The following SPRED1 variants were observed in gnomAD, a reference collection of about 807,000 sequenced individuals.
The protein encoded by SPRED1 is sprouty-related, EVH1 domain-containing protein 1.
SPRED1 carries 18 observed loss-of-function variants against 52.3 expected under a neutral mutation model. The ratio of observed to expected loss-of-function variants is 0.34; its 90% CI spans 0.24 to 0.51. SPRED1 has a LOEUF of 0.51. Among genes scored for constraint, SPRED1 ranks in the 20% least tolerant of loss-of-function variants. The probability of loss-of-function intolerance (pLI) is 0.97; values close to 1 mark genes in which losing one functional copy is unlikely to be tolerated. For synonymous variants in SPRED1, 155 were observed against 179.7 expected (o/e 0.86, Z 1.10); for missense variants, 485 against 551.0 (o/e 0.88, Z 1.20).
intron 1 of SPRED1, among the ~76,000 whole-genome samples, chr15:38,293,320 G>C (rs750537922): frequency 6.6e-6 from 1 of 151,920 alleles, no homozygotes; most frequent in South Asian, 2.1e-4. Context: ...GGATGGTTTC[G>C]ATCTCTTGAC....
In SPRED1 at chr15:38,350,452, G is replaced by T. The variant is rs1034059078; in HGVS notation, c.685-562G>T. 2.6e-5 allele frequency among the ~76,000 whole-genome samples: 4 copies of T among 152,172 alleles called. No individual in the cohort carries two copies. In the East Asian group the frequency reaches 7.7e-4, roughly 29 times the overall value. On this transcript the variant is annotated intron_variant, in intron 6 of 6. Transcript: ENST00000299084. ...TCCAAATACAGTCGCATTACTGGAG[G>T]TTAGGGCTTCAGCATATGAATTTGA...
intron 2 of SPRED1, among the ~76,000 whole-genome samples, chr15:38,316,151 G>A (rs1895475322): frequency 6.6e-6 from 1 of 151,748 alleles, no homozygotes; most frequent in South Asian, 2.1e-4. Flanking sequence ...ATCAATTTTT[G>A]TTAAACACCT....
At chr15:38,257,748 C>T (rs7173385) in intron 1 of SPRED1, among the ~76,000 whole-genome samples, 6,319 of 152,186 alleles carry the variant, frequency 0.042, 446 homozygotes, top group African/African-American at 0.14. Flanking sequence ...CTCTCCCTTT[C>T]CCCCATGGTT....
rs1337981558 is a variant in SPRED1 at position 38,354,079 on chromosome 15, A to G, written c.*2415A>G. 2 of 152,604 alleles carry G rather than the reference A, an allele frequency of 1.3e-5. No individual in the cohort carries two copies. Among genetic ancestry groups the G allele is most frequent in the Admixed American group, 6.5e-5 (1 of 15,284 alleles). The allele number at this position is 152,604 out of a possible 1,614,324, so 9.5% of individuals were successfully genotyped here. A position where few individuals can be genotyped will look rare whatever the true frequency, so the allele number is the denominator to read the frequency against. On this transcript the variant is annotated 3_prime_UTR_variant, in exon 7 of 7. Coordinates refer to ENST00000299084, the MANE Select transcript of SPRED1 (RefSeq NM_152594.3). Reference sequence around the variant, plus strand: ...GGTTTTTATTTTACCTTGGATCTTTATAGTTAACATACCCAGTTTCTTAAT... The same window carrying G: ...GGTTTTTATTTTACCTTGGATCTTTGTAGTTAACATACCCAGTTTCTTAAT...
intron 5 of SPRED1, among the ~76,000 whole-genome samples, chr15:38,340,784 C>G (rs1037490422): frequency 1.3e-5 from 2 of 152,106 alleles, no homozygotes; most frequent in African/African-American, 4.8e-5. Context: ...CCCGCCTCAG[C>G]TTCCCAAAGT....
intron 1 of SPRED1, among the ~76,000 whole-genome samples, chr15:38,285,009 G>C (rs542055427): frequency 6.6e-6 from 1 of 151,880 alleles, no homozygotes; most frequent in Non-Finnish European, 1.5e-5. Context: ...GCCTTCCTCT[G>C]TTTCACCTGT....
chr15:38,279,336 A>G (rs898591446), intron 1 of SPRED1, among the ~76,000 whole-genome samples: 3 of 152,230 alleles, frequency 2.0e-5, no homozygotes, highest in African/African-American at 7.2e-5. Flanking sequence ...AATTACCAGT[A>G]TGAGTCAAAG....
chr15:38,313,519 A>T (rs1283497401), intron 2 of SPRED1, among the ~76,000 whole-genome samples: 1 of 152,062 alleles, frequency 6.6e-6, no homozygotes, highest in East Asian at 1.9e-4. Flanking sequence ...TTGAAAAGAC[A>T]CAAGTCAGCA....
chr15:38,257,814 A>G, intron 1 of SPRED1, among the ~76,000 whole-genome samples: 1 of 152,254 alleles, frequency 6.6e-6, no homozygotes, highest in East Asian at 1.9e-4. Flanking sequence ...GAAATTGATC[A>G]GGAAAGGGTA....
At chr15:38,284,465 A>G (rs1385928117) in intron 1 of SPRED1, among the ~76,000 whole-genome samples, 1 of 152,076 alleles carries the variant, frequency 6.6e-6, no homozygotes, top group Non-Finnish European at 1.5e-5. Flanking sequence ...ATATGATAAC[A>G]TGTTTTTTCC....
At chr15:38,296,964 T>G (rs1895053303) in intron 1 of SPRED1, among the ~76,000 whole-genome samples, 1 of 152,216 alleles carries the variant, frequency 6.6e-6, no homozygotes, top group Non-Finnish European at 1.5e-5. Flanking sequence ...CTGTCCACCT[T>G]CTGCCATGTA....
chr15:38,253,049 A>C lies in SPRED1; in HGVS notation c.-137A>C, dbSNP rs561044956. 1.3e-6 allele frequency: 1 copy of C among 744,464 alleles called. No homozygotes were observed. The highest frequency in any genetic ancestry group is 1.7e-5 in the African/African-American group (1 of 57,454). 46.1% of individuals were successfully genotyped at this position (744,464 alleles called of 1,614,324 possible). A position where few individuals can be genotyped will look rare whatever the true frequency, so the allele number is the denominator to read the frequency against. On this transcript the variant is annotated 5_prime_UTR_variant, in exon 1 of 7. Transcript: ENST00000299084. Reference sequence around the variant, plus strand: ...GGGGGGGTACCGTTCTGGGTGAGGCATCCACCATGGTGAGGCCCCTGTGCC... The same window carrying C: ...GGGGGGGTACCGTTCTGGGTGAGGCCTCCACCATGGTGAGGCCCCTGTGCC...
In SPRED1 at chr15:38,322,305, A is replaced by G. The variant is rs756975029; in HGVS notation, c.272A>G (p.His91Arg). The change falls in exon 3 of 7, where the codon CAC becomes CGC. Residue 91 changes from histidine (H) to arginine (R), a missense_variant. Around this residue, in one of 5 missense-constraint regions of SPRED1, gnomAD observed 232 missense variants for 231.8 expected, o/e 1.00. Transcript: ENST00000299084. Reference sequence around the variant, plus strand: ...AATAAGGTCACTCCAACATTTCACCACTGGAAGATTGATGACAAGAAGTTT... The same window carrying G: ...AATAAGGTCACTCCAACATTTCACCGCTGGAAGATTGATGACAAGAAGTTT... ...IYNKVTPTFH[H>R]WKIDDKKFGL... The G allele has an allele frequency of 6.2e-7, 1 of 1,613,904 alleles. No homozygotes were observed. Among genetic ancestry groups the G allele is most frequent in the Non-Finnish European group, 8.5e-7 (1 of 1,179,890 alleles).
rs138937257 is a variant in SPRED1 at position 38,315,578 on chromosome 15, T to A, written c.208-6663T>A. Among the ~76,000 whole-genome samples, 7 of 147,316 alleles carry A rather than the reference T, an allele frequency of 4.8e-5. No individual in the cohort carries two copies. In the East Asian group the frequency reaches 1.2e-3, roughly 25 times the overall value. On this transcript the variant is annotated intron_variant, in intron 2 of 6. Coordinates refer to ENST00000299084, the MANE Select transcript of SPRED1 (RefSeq NM_152594.3). ...TACTTAGTAATCACAGTTTCTCCCC[T>A]TTTTTCCCCCTCTGTAAATTCTCAC...
chr15:38,304,749 A>G (rs539099044), intron 2 of SPRED1, among the ~76,000 whole-genome samples: 3 of 152,188 alleles, frequency 2.0e-5, no homozygotes, highest in Non-Finnish European at 2.9e-5. Context: ...GTTCCATTTG[A>G]GGAATTTTAT....
intron 1 of SPRED1, among the ~76,000 whole-genome samples, chr15:38,265,306 G>C (rs887193335): frequency 2.2e-4 from 33 of 152,216 alleles, no homozygotes; most frequent in African/African-American, 7.7e-4. Flanking sequence ...TTTTTGATTA[G>C]AGATAAAAGA....
At chr15:38,350,246 A>C (rs914654673) in intron 6 of SPRED1, among the ~76,000 whole-genome samples, 1 of 152,146 alleles carries the variant, frequency 6.6e-6, no homozygotes, top group Non-Finnish European at 1.5e-5. Flanking sequence ...CTTGGCTTGC[A>C]GGTAGCTGCC....
At chr15:38,289,001 C>T (rs961467387) in intron 1 of SPRED1, among the ~76,000 whole-genome samples, 2 of 152,048 alleles carry the variant, frequency 1.3e-5, no homozygotes, top group Admixed American at 6.6e-5. Context: ...ATCATAACTT[C>T]CTTCGGAATT....
chr15:38,311,703 C>T (rs1427732424), intron 2 of SPRED1, among the ~76,000 whole-genome samples: 1 of 152,100 alleles, frequency 6.6e-6, no homozygotes, highest in East Asian at 1.9e-4. Flanking sequence ...AACTTATGAG[C>T]ATAAAGTTGT....
Sources: allele counts gnomAD v4.1 joint callset (sites outside exome capture counted in the v4.1 genomes callset), GRCh38; gene constraint gnomAD v4.1.1; regional missense constraint gnomAD v4.1.1; transcripts MANE v1.5; gene names NCBI Gene and HGNC (gene_info 2026-07-23, HGNC 2026-07-21).